KIZ: variants seen among roughly 807,000 people sequenced by gnomAD.
KIZ encodes kizuna centrosomal protein, also known as centrosomal protein kizuna.
A neutral mutation model predicts 79.6 loss-of-function variants in KIZ; 68 were observed. The ratio of observed to expected loss-of-function variants is 0.85; its 90% CI spans 0.70 to 1.05. The LOEUF (loss-of-function observed/expected upper bound fraction) is 1.05. KIZ is among the 50% of genes least tolerant of loss of function. KIZ has a pLI of 0.00. For synonymous variants in KIZ, 280 were observed against 281.8 expected (o/e 0.99, Z 0.06); for missense variants, 797 against 800.4 (o/e 1.00, Z 0.05).
At chr20:21,152,520 A>T in intron 4 of KIZ, among the ~76,000 whole-genome samples, 1 of 152,142 alleles carries the variant, frequency 6.6e-6, no homozygotes, top group Non-Finnish European at 1.5e-5. Flanking sequence ...AGAGAGTTTT[A>T]TCCTGAGTTA....
chr20:21,163,319 G>T (rs573080954), intron 6 of KIZ, among the ~76,000 whole-genome samples, 160 bp downstream of exon 6: 1 of 151,998 alleles, frequency 6.6e-6, no homozygotes, highest in Non-Finnish European at 1.5e-5. Context: ...TTTTCTTTCT[G>T]TCCTTCTTTC....
At chr20:21,195,713 T>A (rs984169765) in intron 6 of KIZ, 1 of 152,212 alleles carries the variant, frequency 6.6e-6, no homozygotes, top group African/African-American at 2.4e-5. Context: ...CACCACATTT[T>A]AAAAATTGGG....
At chr20:21,150,680 C>T (rs148496872) in intron 4 of KIZ, among the ~76,000 whole-genome samples, 1 of 152,268 alleles carries the variant, frequency 6.6e-6, no homozygotes, top group East Asian at 1.9e-4. Flanking sequence ...GGCCCTAAAA[C>T]TACATCTGCA....
At chr20:21,188,447 T>C (rs1255661982) in intron 6 of KIZ, among the ~76,000 whole-genome samples, 2 of 152,220 alleles carry the variant, frequency 1.3e-5, no homozygotes, top group African/African-American at 4.8e-5. Flanking sequence ...GTCTTCAATC[T>C]GAAGGCTGCC....
chr20:21,174,762 G>A (rs2034364289), intron 6 of KIZ, among the ~76,000 whole-genome samples: 1 of 152,176 alleles, frequency 6.6e-6, no homozygotes, highest in Non-Finnish European at 1.5e-5. Context: ...ATAAAAATGT[G>A]ATCACACAGA....
rs1439400144 is a variant in KIZ at position 21,237,195 on chromosome 20, G to A, written c.1880+4365G>A. Reference sequence around the variant, plus strand: ...CAGGCGCCTATAATCCCAGCCACTCGGGAGGCTGAGGCAGGAGAATCGTTT... The same window carrying A: ...CAGGCGCCTATAATCCCAGCCACTCAGGAGGCTGAGGCAGGAGAATCGTTT... On this transcript the variant is annotated intron_variant, in intron 11 of 12. Transcript: ENST00000619189. Among the ~76,000 whole-genome samples the A allele has an allele frequency of 4.0e-5, 6 of 151,400 alleles. No individual in the cohort carries two copies. The East Asian group carries it at 5.8e-4, about 15-fold the overall frequency.
intron 4 of KIZ, 52 bp from the exon 5 acceptor site, chr20:21,161,819 C>T (rs2033673023): frequency 7.6e-7 from 1 of 1,323,312 alleles, no homozygotes; most frequent in African/African-American, 1.5e-5. Context: ...AAAAACCCCA[C>T]CTAATTGTTT....
In KIZ at chr20:21,246,327, G is replaced by T. The variant is rs887303347; in HGVS notation, c.1925-152G>T. 5 of 636,840 alleles carry T rather than the reference G, an allele frequency of 7.9e-6. No homozygotes were observed. In the Admixed American group the frequency reaches 8.6e-5, roughly 11 times the overall value. The allele number at this position is 636,840 out of a possible 1,614,324, so 39.4% of individuals were successfully genotyped here. On this transcript the variant is annotated intron_variant, in intron 12 of 12. Coordinates refer to ENST00000619189, the MANE Select transcript of KIZ (RefSeq NM_018474.6). ...AATTTGTGCAGTATGACATGCATTTGGGTGTGTCTGGTCAGGTACATCATG... is the reference window on the plus strand; with the variant it reads ...AATTTGTGCAGTATGACATGCATTTTGGTGTGTCTGGTCAGGTACATCATG...
chr20:21,228,167 C>T (rs908203986), intron 9 of KIZ, among the ~76,000 whole-genome samples: 3 of 152,156 alleles, frequency 2.0e-5, no homozygotes, highest in Non-Finnish European at 4.4e-5. Context: ...CTAGCATTGA[C>T]AGTGGGACTC....
At chr20:21,168,082 C>T (rs928799574) in intron 6 of KIZ, among the ~76,000 whole-genome samples, 1 of 152,148 alleles carries the variant, frequency 6.6e-6, no homozygotes, top group African/African-American at 2.4e-5. Context: ...TCCCCTACCC[C>T]ACAACAGGCC....
chr20:21,134,277 G>A (rs536590809), intron 2 of KIZ, among the ~76,000 whole-genome samples: 9 of 152,220 alleles, frequency 5.9e-5, no homozygotes, highest in African/African-American at 1.9e-4. Flanking sequence ...TGACTGAAAC[G>A]TCAGGCTCTT....
intron 12 of KIZ, chr20:21,245,427 T>C (rs1269970255): frequency 1.3e-5 from 2 of 152,258 alleles, no homozygotes; most frequent in Admixed American, 1.3e-4. Context: ...GCCAATTTCT[T>C]AACCCCCTTC....
intron 10 of KIZ, among the ~76,000 whole-genome samples, chr20:21,231,325 A>G (rs181259764): frequency 4.5e-4 from 68 of 152,342 alleles, no homozygotes; most frequent in Non-Finnish European, 8.5e-4. Context: ...CCCTGTCTCA[A>G]AAAACAAACA....
chr20:21,137,920 C>T (rs1290308793), intron 3 of KIZ, among the ~76,000 whole-genome samples: 1 of 152,140 alleles, frequency 6.6e-6, no homozygotes, highest in Non-Finnish European at 1.5e-5. Context: ...TATAGGCATG[C>T]ACCACCATGC....
At chr20:21,131,297 G>A (rs990278454) in intron 1 of KIZ, among the ~76,000 whole-genome samples, 1 of 152,202 alleles carries the variant, frequency 6.6e-6, no homozygotes, top group African/African-American at 2.4e-5. Context: ...CACCTGAACA[G>A]CACAGGTTCA....
At chr20:21,173,054 T>C (rs2034281312) in intron 6 of KIZ, among the ~76,000 whole-genome samples, 1 of 152,034 alleles carries the variant, frequency 6.6e-6, no homozygotes, top group Admixed American at 6.6e-5. Context: ...GTGTGCCACG[T>C]TGTGAAGGGT....
chr20:21,202,614 C>T (rs538301773), intron 6 of KIZ, among the ~76,000 whole-genome samples: 1 of 152,286 alleles, frequency 6.6e-6, no homozygotes, highest in Non-Finnish European at 1.5e-5. Context: ...GAGGAAGGTT[C>T]TGAACTGTAC....
chr20:21,208,479 G>GGCCTT (rs1466928521), intron 7 of KIZ, among the ~76,000 whole-genome samples: 1 of 152,154 alleles, frequency 6.6e-6, no homozygotes, highest in Non-Finnish European at 1.5e-5. Flanking sequence ...CGAGGTGGGC[G>GGCCTT]GATCACAAGG....
chr20:21,188,676 TTTTATTTA>T (rs149324316), intron 6 of KIZ, among the ~76,000 whole-genome samples: 332 of 141,880 alleles, frequency 2.3e-3, no homozygotes, highest in Non-Finnish European at 2.9e-3. Context: ...TTGCATTTTA[TTTTATTTA>T]TTTATTTATT....
Sources: gnomAD v4.1 joint callset for allele counts (sites outside exome capture counted in the v4.1 genomes callset) on GRCh38, gnomAD v4.1.1 for gene constraint, MANE v1.5 for transcripts, NCBI Gene and HGNC (gene_info 2026-07-23, HGNC 2026-07-21) for gene names.